STXBP3: variants seen among roughly 807,000 people sequenced by gnomAD.
STXBP3 encodes syntaxin-binding protein 3.
Under a neutral mutation model 85.7 loss-of-function variants are expected in STXBP3, and 41 were observed. The observed-to-expected ratio is 0.48, with a 90% CI of 0.37 to 0.62. The LOEUF (loss-of-function observed/expected upper bound fraction) is 0.62, where lower values mean the gene tolerates loss of function less well. Ranked by LOEUF, STXBP3 falls within the 20% of genes least tolerant of loss-of-function variation. The pLI, the probability that STXBP3 is intolerant of heterozygous loss-of-function variation, is 0.00. For synonymous variants in STXBP3, 229 were observed against 231.7 expected (o/e 0.99, Z 0.10); for missense variants, 563 against 703.1 (o/e 0.80, Z 2.25).
chr1:108,786,831 A>T (rs190828308), intron 11 of STXBP3, among the ~76,000 whole-genome samples: 22 of 152,330 alleles, frequency 1.4e-4, no homozygotes, highest in Non-Finnish European at 2.5e-4. Context: ...TGAAATTTTG[A>T]TTGGGATTAC....
At chr1:108,792,360 G>A (rs979041493) in intron 11 of STXBP3, among the ~76,000 whole-genome samples, 4 of 152,032 alleles carry the variant, frequency 2.6e-5, no homozygotes, top group African/African-American at 9.7e-5. Context: ...ACATTTTGAG[G>A]TGTTCTTTTC....
chr1:108,808,713 C>T, intron 18 of STXBP3, 70 bp from the exon 19 acceptor site: 2 of 1,205,826 alleles, frequency 1.7e-6, no homozygotes, highest in Non-Finnish European at 2.4e-6. Flanking sequence ...TGAAGGACAA[C>T]ACATTATATT....
At chr1:108,786,240 G>C (rs1406489878) in intron 11 of STXBP3, among the ~76,000 whole-genome samples, 1 of 152,150 alleles carries the variant, frequency 6.6e-6, no homozygotes, top group Non-Finnish European at 1.5e-5. Context: ...AGGGTGGCAG[G>C]GGAGAGAAAG....
Position 108,772,380 on chromosome 1 carries a change from A to ATATC in STXBP3, c.439-283_439-280dup, listed in dbSNP as rs1434061618. Among the ~76,000 whole-genome samples, 15 of 41,940 alleles carry ATATC rather than the reference A, an allele frequency of 3.6e-4. 5 individuals are homozygous for ATATC. The highest frequency in any genetic ancestry group is 2.8e-3 in the South Asian group (5 of 1,804). 27.5% of individuals were successfully genotyped at this position (41,940 alleles called of 152,430 possible). A position where few individuals can be genotyped will look rare whatever the true frequency, so the allele number is the denominator to read the frequency against. ...TCTGTATCATATATAAATACATATG[A>ATATC]TATCTGTATATATAAATACATATGA... On this transcript the variant is annotated intron_variant, in intron 6 of 18. Transcript: ENST00000370008.
chr1:108,808,743 T>A, intron 18 of STXBP3, 40 bp from the exon 19 acceptor site: 1 of 1,488,774 alleles, frequency 6.7e-7, no homozygotes, highest in Non-Finnish European at 9.3e-7. Context: ...AAAATTGATT[T>A]AACTGCTGGC....
At chr1:108,771,526 T>C (rs1258420636) in intron 6 of STXBP3, among the ~76,000 whole-genome samples, 1 of 75,654 alleles carries the variant, frequency 1.3e-5, no homozygotes, top group Non-Finnish European at 2.3e-5. Flanking sequence ...ATATATGATA[T>C]ATATCTATAT....
At position 108,798,208 on chromosome 1, in the gene STXBP3, T is replaced by G. The variant is rs1416472478; in HGVS notation, c.1420T>G (p.Trp474Gly). The change falls in exon 16 of 19, where the codon TGG (tryptophan) becomes GGG (glycine). Residue 474 changes from tryptophan to glycine, a missense_variant. By Grantham distance (184) the Trp-to-Gly change is radical. Transcript: ENST00000370008. ...AGAAGAAACTTTTCAGCTCTCTCGG[T>G]GGACACCTTTTATCAAAGATATTAT... ...SAEETFQLSR[W>G]TPFIKDIMED... is the part of the protein sequence containing the mutation. The G allele has an allele frequency of 6.2e-7, 1 of 1,612,848 alleles. No individual in the cohort carries two copies. The highest frequency in any genetic ancestry group is 8.5e-7 in the Non-Finnish European group (1 of 1,179,598).
chr1:108,755,016 A>G (rs1393742128), intron 3 of STXBP3, among the ~76,000 whole-genome samples: 1 of 152,136 alleles, frequency 6.6e-6, no homozygotes, highest in East Asian at 1.9e-4. Context: ...TCAGCAGTCA[A>G]ACTTTCTGTT....
chr1:108,746,753 G>A lies in STXBP3; in HGVS notation c.16G>A (p.Ala6Thr). The A allele has an allele frequency of 1.3e-6, 2 of 1,550,246 alleles. No homozygotes were observed. Among genetic ancestry groups the A allele is most frequent in the Non-Finnish European group, 1.7e-6 (2 of 1,146,390 alleles). The change falls in exon 1 of 19, where the codon GCA (alanine) becomes ACA (threonine). Residue 6 changes from alanine (A) to threonine (T), a missense_variant. This residue lies in a region of STXBP3 where 37 missense variants were observed against 39.7 expected (regional missense o/e 0.93). Transcript: ENST00000370008. ...TGTCGGGAAGATGGCGCCGCCGGTG[G>A]CAGAGAGGGGGCTAAAGAGCGTCGT... MAPPV[A>T]ERGLKSVVWQ...
At chr1:108,764,504 A>G (rs901872117) in intron 6 of STXBP3, among the ~76,000 whole-genome samples, 25 of 152,230 alleles carry the variant, frequency 1.6e-4, no homozygotes, top group African/African-American at 5.8e-4. Flanking sequence ...ACTAATATAC[A>G]TTCCCACCAA....
chr1:108,782,896 A>AT (rs996094894), intron 11 of STXBP3, among the ~76,000 whole-genome samples, 190 bp downstream of exon 11: 23 of 152,078 alleles, frequency 1.5e-4, no homozygotes, highest in African/African-American at 5.3e-4. Context: ...CTTCATTAAA[A>AT]TTTTTTTATT....
chr1:108,749,118 TGA>T (rs1340449669), intron 1 of STXBP3, among the ~76,000 whole-genome samples: 1 of 152,012 alleles, frequency 6.6e-6, no homozygotes, highest in Non-Finnish European at 1.5e-5. Context: ...AGTACTTCAG[TGA>T]GAGAGAAGAA....
intron 17 of STXBP3, among the ~76,000 whole-genome samples, chr1:108,804,341 T>C (rs1318915806): frequency 6.6e-6 from 1 of 152,140 alleles, no homozygotes; most frequent in Admixed American, 6.5e-5. Context: ...ACTTTATTTT[T>C]CTGTTTTAGA....
chr1:108,790,347 G>A (rs1019799984), intron 11 of STXBP3, among the ~76,000 whole-genome samples: 3 of 152,008 alleles, frequency 2.0e-5, no homozygotes, highest in Non-Finnish European at 4.4e-5. Context: ...ATTACTTGCA[G>A]TATTTCTTGT....
chr1:108,783,852 A>C (rs1662773613), intron 11 of STXBP3, among the ~76,000 whole-genome samples: 1 of 152,182 alleles, frequency 6.6e-6, no homozygotes, highest in Non-Finnish European at 1.5e-5. Flanking sequence ...TTTCAATTAA[A>C]ATTTCATTGC....
At chr1:108,752,613 T>C (rs1032753896) in intron 2 of STXBP3, among the ~76,000 whole-genome samples, 1 of 152,202 alleles carries the variant, frequency 6.6e-6, no homozygotes, top group Non-Finnish European at 1.5e-5. Flanking sequence ...CACCACTTAA[T>C]AGCTGTGGCT....
intron 3 of STXBP3, among the ~76,000 whole-genome samples, chr1:108,756,306 C>CT (rs1297741531): frequency 2.0e-5 from 3 of 152,072 alleles, no homozygotes; most frequent in Non-Finnish European, 2.9e-5. Context: ...GGTTAGAAGC[C>CT]TGCCTGTTCC....
chr1:108,758,466 T>A, intron 4 of STXBP3, 44 bp from the exon 5 acceptor site: 1 of 991,628 alleles, frequency 1.0e-6, no homozygotes, highest in Non-Finnish European at 1.4e-6. Flanking sequence ...CATATTTAAA[T>A]TAATATTTAA....
chr1:108,807,079 C>G (rs1021092453), intron 17 of STXBP3, among the ~76,000 whole-genome samples: 1 of 152,118 alleles, frequency 6.6e-6, no homozygotes, highest in African/African-American at 2.4e-5. Context: ...TGGTGAAACC[C>G]TGTCTCTACT....
Sources: gnomAD v4.1 joint callset for allele counts (sites outside exome capture counted in the v4.1 genomes callset) on GRCh38, gnomAD v4.1.1 for gene constraint, gnomAD v4.1.1 regional missense constraint, MANE v1.5 for transcripts, NCBI Gene and HGNC (gene_info 2026-07-23, HGNC 2026-07-21) for gene names.